ERVV-2: variants seen among roughly 807,000 people sequenced by gnomAD.
ERVV-2 encodes endogenous retrovirus group V member 2 Env polyprotein.
For synonymous variants in ERVV-2, 105 were observed against 184.6 expected (o/e 0.57, Z 3.49); for missense variants, 291 against 495.1 (o/e 0.59, Z 3.91).
chr19:53,045,139 C>T (rs1476950146), intron 1 of ERVV-2, among the ~76,000 whole-genome samples, 181 bp downstream of exon 1: 1 of 152,176 alleles, frequency 6.6e-6, no homozygotes, highest in African/African-American at 2.4e-5. Flanking sequence ...CACTCTGCTC[C>T]CTCTGGCTGA....
chr19:53,050,764 T>C lies in ERVV-2; in HGVS notation c.1513T>C (p.Ser505Pro), dbSNP rs1600777893. ...CCCCCAAATGGAAAGATATCAGCTA[T>C]CTGTCATTGGAGGCCCCAGCACCTA... ...KSPQMERYQL[S>P]VIGGPSTYKH... Residue 505 changes from serine (S) to proline (P), a missense_variant, in exon 2 of 2, where the codon TCT (serine) becomes CCT (proline). By Grantham distance (74) the Ser-to-Pro change is moderately conservative. Coordinates refer to ENST00000601417, the MANE Select transcript of ERVV-2 (RefSeq NM_001191055.2). 6.5e-7 allele frequency: 1 copy of C among 1,535,992 alleles called. No homozygotes were observed. The highest frequency in any genetic ancestry group is 2.0e-5 in the Admixed American group (1 of 50,980).
rs1206868501 is a variant in ERVV-2, at chr19:53,050,448, T to C, written c.1197T>C (p.Cys399=). The part of the protein sequence containing the change: ...DYLLAEQGGV[C]AVINKSCCVY... ...TCTTAGCAGAGCAGGGTGGAGTCTG[T>C]GCAGTGATCAATAAATCCTGTTGCG... Residue 399 remains cysteine (C), a synonymous_variant, in exon 2 of 2, where the codon TGT becomes TGC. Coordinates refer to ENST00000601417, the MANE Select transcript of ERVV-2 (RefSeq NM_001191055.2). 4 of 723,260 alleles carry C rather than the reference T, an allele frequency of 5.5e-6. No homozygotes were observed. Among genetic ancestry groups the C allele is most frequent in the South Asian group, 4.4e-5 (3 of 67,932 alleles). The allele number at this position is 723,260 out of a possible 1,614,324, so 44.8% of individuals were successfully genotyped here. A position where few individuals can be genotyped will look rare whatever the true frequency, so the allele number is the denominator to read the frequency against.
chr19:53,048,960 A>G lies in ERVV-2; in HGVS notation c.-292A>G, dbSNP rs183897663. 96 of 558,832 alleles carry G rather than the reference A, an allele frequency of 1.7e-4. No individual in the cohort carries two copies. The African/African-American group carries it at 1.8e-3, about 10-fold the overall frequency. The allele number at this position is 558,832 out of a possible 1,614,324, so 34.6% of individuals were successfully genotyped here. On this transcript the variant is annotated 5_prime_UTR_variant, in exon 2 of 2. Coordinates refer to ENST00000601417, the MANE Select transcript of ERVV-2 (RefSeq NM_001191055.2). ...GAACCACAGAAGAACAACAGAATTC[A>G]GCACCTGAGCATTCTTGTGAGCCAC... is the stretch of plus-strand genomic sequence containing the variant.
chr19:53,047,284 G>T (rs2083894908), intron 1 of ERVV-2, among the ~76,000 whole-genome samples: 2 of 152,128 alleles, frequency 1.3e-5, no homozygotes, highest in Non-Finnish European at 1.5e-5. Flanking sequence ...GGAGGCGGAG[G>T]TTACCGTGAG....
rs1301417688 is a variant in ERVV-2, at chr19:53,049,240, G to C, written c.-12G>C. On this transcript the variant is annotated 5_prime_UTR_variant, in exon 2 of 2. Transcript: ENST00000601417. ...TCCTTTTGCTTTCACAAAGCTTAAG[G>C]GAGAATCAGCTATGACAGAGAAATT... 1.2e-6 allele frequency: 1 copy of C among 803,536 alleles called. No homozygotes were observed. The highest frequency in any genetic ancestry group is 1.9e-6 in the Non-Finnish European group (1 of 514,484). The allele number at this position is 803,536 out of a possible 1,614,324, so 49.8% of individuals were successfully genotyped here.
intron 1 of ERVV-2, among the ~76,000 whole-genome samples, chr19:53,047,025 G>A (rs918725247): frequency 6.6e-6 from 1 of 152,132 alleles, no homozygotes; most frequent in African/African-American, 2.4e-5. Flanking sequence ...CGGGCCTGGT[G>A]GCATGGATCT....
Position 53,050,786 on chromosome 19 carries a change from C to T in ERVV-2, c.1535C>T (p.Thr512Ile). The change falls in exon 2 of 2, where the codon ACC becomes ATC. Residue 512 changes from threonine (T) to isoleucine (I), a missense_variant. Physicochemically the swap from Thr to Ile is moderately conservative, Grantham distance 89. Transcript: ENST00000601417. ...YQLSVIGGPS[T>I]YKHISPLDAS... ...CTATCTGTCATTGGAGGCCCCAGCA[C>T]CTATAAGCACATCTCCCCCTTGGAT... is the stretch of plus-strand genomic sequence containing the variant. 1 of 1,535,982 alleles carries T rather than the reference C, an allele frequency of 6.5e-7. No homozygotes were observed. Among genetic ancestry groups the T allele is most frequent in the South Asian group, 1.2e-5 (1 of 83,992 alleles).
In ERVV-2 at chr19:53,048,975, T is replaced by C; in HGVS notation, c.-277T>C. On this transcript the variant is annotated 5_prime_UTR_variant, in exon 2 of 2. Coordinates refer to ENST00000601417, the MANE Select transcript of ERVV-2 (RefSeq NM_001191055.2). ...AACAGAATTCAGCACCTGAGCATTC[T>C]TGTGAGCCACTGGAGAACTTAAAAT... is the stretch of plus-strand genomic sequence containing the variant. 1.7e-6 allele frequency: 1 copy of C among 583,944 alleles called. No homozygotes were observed. Among genetic ancestry groups the C allele is most frequent in the Non-Finnish European group, 3.0e-6 (1 of 332,382 alleles). The allele number at this position is 583,944 out of a possible 1,614,324, so 36.2% of individuals were successfully genotyped here.
chr19:53,050,984 ATAT>A lies in ERVV-2; in HGVS notation c.*128_*130del, dbSNP rs1430891234. ...GGGTCTCCATCTCTTGAGGAGGGAAATATTAGGGTAGGCAGGTAGGCAGGCATG... is the reference window on the plus strand; with the variant it reads ...GGGTCTCCATCTCTTGAGGAGGGAAATAGGGTAGGCAGGTAGGCAGGCATG... On this transcript the variant is annotated 3_prime_UTR_variant, in exon 2 of 2. Transcript: ENST00000601417. 1 of 948,124 alleles carries A rather than the reference ATAT, an allele frequency of 1.1e-6. No individual in the cohort carries two copies. Among genetic ancestry groups the A allele is most frequent in the Non-Finnish European group, 1.5e-6 (1 of 661,122 alleles). 58.7% of individuals were successfully genotyped at this position (948,124 alleles called of 1,614,324 possible).
In ERVV-2 at chr19:53,051,646, C is replaced by G. The variant is rs1227609542; in HGVS notation, c.*787C>G. Among the ~76,000 whole-genome samples, 1 of 152,118 alleles carries G rather than the reference C, an allele frequency of 6.6e-6. No individual in the cohort carries two copies. Among genetic ancestry groups the G allele is most frequent in the African/African-American group, 2.4e-5 (1 of 41,422 alleles). On this transcript the variant is annotated 3_prime_UTR_variant, in exon 2 of 2. Coordinates refer to ENST00000601417, the MANE Select transcript of ERVV-2 (RefSeq NM_001191055.2). ...GCAGCTGGCTCATTCTTCTGATGTC[C>G]TCTCTTTTTAAATAAAGCTTACTTA...
rs772570119 is a variant in ERVV-2, at chr19:53,050,412, C to G, written c.1161C>G (p.Ala387=). 8.0e-6 allele frequency: 6 copies of G among 751,424 alleles called. No individual in the cohort carries two copies. The South Asian group carries it at 8.8e-5, about 11-fold the overall frequency. 46.5% of individuals were successfully genotyped at this position (751,424 alleles called of 1,614,324 possible). ...ATGTAGTCATGGACAACAGATTGGC[C>G]TTAGATTACCTCTTAGCAGAGCAGG... ...LANVVMDNRL[A]LDYLLAEQGG... is the part of the protein sequence containing the mutation. The change falls in exon 2 of 2, where the codon GCC becomes GCG. Residue 387 remains alanine (A), a synonymous_variant. Transcript: ENST00000601417.
At position 53,051,309 on chromosome 19, in the gene ERVV-2, G is replaced by A. The variant is rs990378614; in HGVS notation, c.*450G>A. 6.6e-6 allele frequency among the ~76,000 whole-genome samples: 1 copy of A among 151,898 alleles called. No individual in the cohort carries two copies. Among genetic ancestry groups the A allele is most frequent in the African/African-American group, 2.4e-5 (1 of 41,328 alleles). Reference sequence around the variant, plus strand: ...CTACAGGCATGTGCCGCCATGCCCGGCTAATTTTGTATTTTTAGTAGAGAT... The same window carrying A: ...CTACAGGCATGTGCCGCCATGCCCGACTAATTTTGTATTTTTAGTAGAGAT... On this transcript the variant is annotated 3_prime_UTR_variant, in exon 2 of 2. Coordinates refer to ENST00000601417, the MANE Select transcript of ERVV-2 (RefSeq NM_001191055.2).
chr19:53,050,547 C>G lies in ERVV-2; in HGVS notation c.1296C>G (p.Asp432Glu), dbSNP rs2083908373. 1.3e-6 allele frequency: 1 copy of G among 770,898 alleles called. No individual in the cohort carries two copies. Among genetic ancestry groups the G allele is most frequent in the Admixed American group, 2.0e-5 (1 of 50,044 alleles). The allele number at this position is 770,898 out of a possible 1,614,324, so 47.8% of individuals were successfully genotyped here. A position where few individuals can be genotyped will look rare whatever the true frequency, so the allele number is the denominator to read the frequency against. ...ATGATGAGGCTACGTGGCTCCATGA[C>G]TTTGGAAAAGGAGGTGCTTCAGCAA... is the stretch of plus-strand genomic sequence containing the variant. The part of the protein sequence containing the change: ...KIYDEATWLH[D>E]FGKGGASARA... The change falls in exon 2 of 2, where the codon GAC (aspartate) becomes GAG (glutamate). Residue 432 changes from aspartate to glutamate, a missense_variant. Physicochemically the swap from Asp to Glu is conservative, Grantham distance 45 (BLOSUM62 2). Transcript: ENST00000601417.
Position 53,051,484 on chromosome 19 carries a change from A to T in ERVV-2, c.*625A>T, listed in dbSNP as rs4801949. 0.2 allele frequency among the ~76,000 whole-genome samples: 29,807 copies of T among 151,956 alleles called. 3,362 individuals are homozygous for T. The highest frequency in any genetic ancestry group is 0.3 in the African/African-American group (12,564 of 41,402). ...CTGAATGGCACATTCATGAAAAATC[A>T]TGTAAGGTTCTCATAAAAACATCTG... On this transcript the variant is annotated 3_prime_UTR_variant, in exon 2 of 2. Transcript: ENST00000601417.
In ERVV-2 at chr19:53,048,599, TG is replaced by T. The variant is rs376232120; in HGVS notation, c.-385-265del. ...CTTAGGCAGGTGAATCACTTGAACCTGGGAGGCGGAGGTTGCGGTGAGCCGA... is the reference window on the plus strand; with the variant it reads ...CTTAGGCAGGTGAATCACTTGAACCTGGAGGCGGAGGTTGCGGTGAGCCGA... On this transcript the variant is annotated intron_variant, in intron 1 of 1. Coordinates refer to ENST00000601417, the MANE Select transcript of ERVV-2 (RefSeq NM_001191055.2). Among the ~76,000 whole-genome samples the T allele has an allele frequency of 6.0e-5, 8 of 132,478 alleles. No individual in the cohort carries two copies. In the South Asian group the frequency reaches 2.0e-3, roughly 32 times the overall value. The allele number at this position is 132,478 out of a possible 152,430, so 86.9% of individuals were successfully genotyped here.
Position 53,050,868 on chromosome 19 carries a change from A to T in ERVV-2, c.*9A>T. 1 of 1,509,692 alleles carries T rather than the reference A, an allele frequency of 6.6e-7. No individual in the cohort carries two copies. Among genetic ancestry groups the T allele is most frequent in the African/African-American group, 1.4e-5 (1 of 72,088 alleles). The allele number at this position is 1,509,692 out of a possible 1,614,324, so 93.5% of individuals were successfully genotyped here. A position where few individuals can be genotyped will look rare whatever the true frequency, so the allele number is the denominator to read the frequency against. On this transcript the variant is annotated 3_prime_UTR_variant, in exon 2 of 2. Transcript: ENST00000601417. ...AGGAATTTTCTCTCTGAGACAGAGC[A>T]AGAGAGGGAGACCCTGATGACTTCT...
At chr19:53,047,874 A>G (rs1361394227) in intron 1 of ERVV-2, among the ~76,000 whole-genome samples, 1 of 152,178 alleles carries the variant, frequency 6.6e-6, no homozygotes, top group East Asian at 1.9e-4. Context: ...TTCCTTTGCA[A>G]TATAGTTTGG....
chr19:53,047,537 G>C (rs917865110), intron 1 of ERVV-2, among the ~76,000 whole-genome samples: 2 of 152,134 alleles, frequency 1.3e-5, no homozygotes, highest in Admixed American at 1.3e-4. Flanking sequence ...ATCAATCCCA[G>C]GAAATCTAAG....
Position 53,050,747 on chromosome 19 carries a change from T to C in ERVV-2, c.1496T>C (p.Met499Thr). The part of the protein sequence containing the change: ...IKQFHMKSPQ[M>T]ERYQLSVIGG... ...CAATTTCACATGAAGTCCCCCCAAA[T>C]GGAAAGATATCAGCTATCTGTCATT... is the stretch of plus-strand genomic sequence containing the variant. The change falls in exon 2 of 2, where the codon ATG (methionine) becomes ACG (threonine). Residue 499 changes from methionine to threonine, a missense_variant. Transcript: ENST00000601417. 6.5e-7 allele frequency: 1 copy of C among 1,536,098 alleles called. No individual in the cohort carries two copies. The highest frequency in any genetic ancestry group is 1.4e-5 in the African/African-American group (1 of 73,170).
Sources: allele counts gnomAD v4.1 joint callset (sites outside exome capture counted in the v4.1 genomes callset), GRCh38; gene constraint gnomAD v4.1.1; transcripts MANE v1.5; gene names NCBI Gene and HGNC (gene_info 2026-07-23, HGNC 2026-07-21).